The following GDAP1 variants were observed in gnomAD, a reference collection of about 807,000 sequenced individuals.
The protein encoded by GDAP1 is ganglioside induced differentiation associated protein 1, also known as ganglioside-induced differentiation-associated protein 1.
A neutral mutation model predicts 40.1 loss-of-function variants in GDAP1; 34 were observed. The observed-to-expected ratio is 0.85, with a 90% confidence interval of 0.64 to 1.13. The LOEUF (loss-of-function observed/expected upper bound fraction) is 1.13. Among genes scored for constraint, GDAP1 ranks in the 50% most tolerant of loss-of-function variants. GDAP1 has a pLI of 0.00. For synonymous variants in GDAP1, 170 were observed against 157.4 expected (o/e 1.08, Z -0.60); for missense variants, 374 against 433.7 (o/e 0.86, Z 1.22).
chr8:74,488,199 C>T (rs1055941929), intron 2 of GDAP1, among the ~76,000 whole-genome samples: 1 of 152,152 alleles, frequency 6.6e-6, no homozygotes, highest in Non-Finnish European at 1.5e-5. Context: ...ATTCATTCCT[C>T]TACTTTGATC....
chr8:74,396,327 T>A (rs1810198914), intron 2 of GDAP1, among the ~76,000 whole-genome samples: 1 of 151,822 alleles, frequency 6.6e-6, no homozygotes, highest in Non-Finnish European at 1.5e-5. Flanking sequence ...TTTATTTATT[T>A]TTTTTACAGT....
At chr8:74,360,839 A>G (rs928488983) in intron 3 of GDAP1, among the ~76,000 whole-genome samples, 3 of 152,190 alleles carry the variant, frequency 2.0e-5, no homozygotes, top group African/African-American at 7.2e-5. Context: ...TCAGTGCATG[A>G]TCTGTGGAGC....
chr8:74,387,949 GT>G (rs1810050134), intron 2 of GDAP1, among the ~76,000 whole-genome samples: 1 of 151,948 alleles, frequency 6.6e-6, no homozygotes, highest in African/African-American at 2.4e-5. Context: ...TTTCTTCTAT[GT>G]TTTTTAGTTT....
intron 2 of GDAP1, among the ~76,000 whole-genome samples, chr8:74,352,705 C>G (rs1808938925): frequency 6.6e-6 from 1 of 152,116 alleles, no homozygotes; most frequent in Admixed American, 6.5e-5. Flanking sequence ...TTTGCTATTC[C>G]TTATAAATTT....
In GDAP1 at chr8:74,366,874, A is replaced by G. The variant is rs1220668126; in HGVS notation, c.*2507A>G. The G allele has an allele frequency of 2.4e-6, 1 of 416,938 alleles. No individual in the cohort carries two copies. The highest frequency in any genetic ancestry group is 2.1e-5 in the African/African-American group (1 of 48,158). 25.8% of individuals were successfully genotyped at this position (416,938 alleles called of 1,614,324 possible). A position where few individuals can be genotyped will look rare whatever the true frequency, so the allele number is the denominator to read the frequency against. ...GGAAAATAAATATGAACCCTAAAAC[A>G]AAGTACTCACTTTGTAATCTTTTTT... On this transcript the variant is annotated 3_prime_UTR_variant, in exon 6 of 6. Coordinates refer to ENST00000220822, the MANE Select transcript of GDAP1 (RefSeq NM_018972.4).
chr8:74,466,448 G>C (rs1300931634), intron 2 of GDAP1, among the ~76,000 whole-genome samples: 1 of 152,218 alleles, frequency 6.6e-6, no homozygotes, highest in Non-Finnish European at 1.5e-5. Context: ...GGCTACCACA[G>C]TAATTGAGAG....
At chr8:74,481,841 A>AT (rs1427297821) in intron 2 of GDAP1, among the ~76,000 whole-genome samples, 2 of 152,162 alleles carry the variant, frequency 1.3e-5, no homozygotes, top group African/African-American at 2.4e-5. Flanking sequence ...AAAATACCCA[A>AT]TTTTTTGTTT....
chr8:74,465,932 A>T (rs1563476923), intron 2 of GDAP1, among the ~76,000 whole-genome samples: 1 of 152,178 alleles, frequency 6.6e-6, no homozygotes, highest in Non-Finnish European at 1.5e-5. Flanking sequence ...AGCTATTTTT[A>T]AAAAACACAT....
intron 2 of GDAP1, among the ~76,000 whole-genome samples, chr8:74,423,513 G>C (rs1235215283): frequency 6.6e-6 from 1 of 150,972 alleles, no homozygotes; most frequent in East Asian, 1.9e-4. Flanking sequence ...AACTGATGAT[G>C]TTGTCATTAG....
chr8:74,407,362 G>A lies in GDAP1; in HGVS notation c.165+56041G>A, dbSNP rs76300548. ...CCAGAGGAAATTAACATTTGAGTCC[G>A]TTTACTGAGAGAGACAGGCCCACCC... On this transcript the variant is annotated intron_variant, in intron 2 of 2. Coordinates refer to the GDAP1 transcript ENST00000523640. Among the ~76,000 whole-genome samples, 1,164 of 149,932 alleles carry A rather than the reference G, an allele frequency of 7.8e-3. 136 individuals are homozygous for A. The highest frequency in any genetic ancestry group is 0.028 in the African/African-American group (1,111 of 39,324).
Position 74,364,191 on chromosome 8 carries a change from A to G in GDAP1, c.901A>G (p.Ile301Val), listed in dbSNP as rs1404982200. 5 of 1,614,138 alleles carry G rather than the reference A, an allele frequency of 3.1e-6. No homozygotes were observed. In the South Asian group the frequency reaches 5.5e-5, roughly 18 times the overall value. The change falls in exon 6 of 6, where the codon ATC becomes GTC. Residue 301 changes from isoleucine to valine, a missense_variant. Coordinates refer to ENST00000220822, the MANE Select transcript of GDAP1 (RefSeq NM_018972.4). ...KVLGHVNNIL[I>V]SAVLPTAFRV... ...TTTAGGACATGTCAACAATATATTA[A>G]TCTCTGCAGTGCTGCCAACAGCATT...
At chr8:74,477,724 G>C (rs1228566546) in intron 2 of GDAP1, among the ~76,000 whole-genome samples, 1 of 152,160 alleles carries the variant, frequency 6.6e-6, no homozygotes, top group African/African-American at 2.4e-5. Context: ...GCCAGCCAAA[G>C]CACTTCAAAG....
chr8:74,422,958 A>G (rs1346824594), intron 2 of GDAP1, among the ~76,000 whole-genome samples: 1 of 150,928 alleles, frequency 6.6e-6, no homozygotes, highest in Non-Finnish European at 1.5e-5. Context: ...TAATGATAAC[A>G]TCATCAGTTC....
At chr8:74,411,815 G>A (rs1805713478) in intron 2 of GDAP1, among the ~76,000 whole-genome samples, 2 of 149,272 alleles carry the variant, frequency 1.3e-5, no homozygotes, top group East Asian at 3.9e-4. Context: ...CTGGGAGGTC[G>A]AGGCTGTGGT....
In GDAP1 at chr8:74,377,513, T is replaced by C. The variant is rs1183033886; in HGVS notation, c.165+26192T>C. On this transcript the variant is annotated intron_variant, in intron 2 of 2. Coordinates refer to the GDAP1 transcript ENST00000523640. ...TGGAAATCAAATATGCCAATCATTA[T>C]ACTAACATAGAAACTATTAATATAC... is the stretch of plus-strand genomic sequence containing the variant. Among the ~76,000 whole-genome samples, 3 of 152,210 alleles carry C rather than the reference T, an allele frequency of 2.0e-5. No individual in the cohort carries two copies. The East Asian group carries it at 5.8e-4, about 29-fold the overall frequency.
chr8:74,431,796 A>C (rs1386615483), intron 2 of GDAP1, among the ~76,000 whole-genome samples: 1 of 152,114 alleles, frequency 6.6e-6, no homozygotes, highest in Non-Finnish European at 1.5e-5. Flanking sequence ...ATTCTTTATA[A>C]TAAAAATGGT....
In GDAP1 at chr8:74,364,458, G is replaced by A; in HGVS notation, c.*91G>A. ...CTCTCTGAGTCTGTCTTATTGAGTAGTTAGCAGTATTTTTTCCTAAAATTC... is the reference window on the plus strand; with the variant it reads ...CTCTCTGAGTCTGTCTTATTGAGTAATTAGCAGTATTTTTTCCTAAAATTC... On this transcript the variant is annotated 3_prime_UTR_variant, in exon 6 of 6. Transcript: ENST00000220822. The A allele has an allele frequency of 1.6e-6, 2 of 1,271,676 alleles. No individual in the cohort carries two copies. Among genetic ancestry groups the A allele is most frequent in the East Asian group, 4.6e-5 (2 of 43,330 alleles). 78.8% of individuals were successfully genotyped at this position (1,271,676 alleles called of 1,614,324 possible).
intron 2 of GDAP1, among the ~76,000 whole-genome samples, chr8:74,467,514 C>T (rs1175195455): frequency 6.6e-6 from 1 of 152,050 alleles, no homozygotes; most frequent in African/African-American, 2.4e-5. Flanking sequence ...TGGGTAAGTT[C>T]AGTGAAGATA....
intron 2 of GDAP1, among the ~76,000 whole-genome samples, chr8:74,392,590 C>T (rs1328490289): frequency 2.6e-5 from 4 of 152,092 alleles, no homozygotes; most frequent in East Asian, 3.8e-4. Context: ...AGTAGTAACC[C>T]GTTAACATTC....
Sources: gnomAD v4.1 joint callset for allele counts (sites outside exome capture counted in the v4.1 genomes callset) on GRCh38, gnomAD v4.1.1 for gene constraint, MANE v1.5 for transcripts, NCBI Gene and HGNC (gene_info 2026-07-23, HGNC 2026-07-21) for gene names.